Variants in COX16 observed in about 807,000 individuals in gnomAD.
COX16 encodes cytochrome c oxidase assembly factor COX16.
In COX16, 12 loss-of-function variants were observed where a neutral mutation model predicts 15.4. The ratio of observed to expected loss-of-function variants is 0.78; its 90% CI spans 0.50 to 1.26. The LOEUF (loss-of-function observed/expected upper bound fraction) is 1.26, where lower values mean the gene tolerates loss of function less well. Ranked by LOEUF, COX16 falls within the 50% of genes most tolerant of loss-of-function variation. The probability of loss-of-function intolerance (pLI) is 0.00; values close to 1 mark genes in which losing one functional copy is unlikely to be tolerated. For missense variants in COX16, 124 were observed against 127.6 expected, an observed-to-expected ratio of 0.97 and a Z score of 0.14; for synonymous variants, 46 against 41.1, an observed-to-expected ratio of 1.12 and a Z score of -0.46.
At position 70,325,782 on chromosome 14, in the gene COX16, C is replaced by T. The variant is rs978287270; in HGVS notation, c.*551G>A. ...AATTTCCTTGACATGTTAATGGTAT[C>T]ATTGTAATTATCATGTGATGCTTTG... On this transcript the variant is annotated 3_prime_UTR_variant, in exon 4 of 4. Transcript: ENST00000389912. 4.6e-5 allele frequency: 7 copies of T among 152,138 alleles called. No individual in the cohort carries two copies. Among genetic ancestry groups the T allele is most frequent in the African/African-American group, 1.7e-4 (7 of 41,424 alleles). 9.4% of individuals were successfully genotyped at this position (152,138 alleles called of 1,614,324 possible).
At chr14:70,346,994 G>C (rs1886803033) in intron 1 of COX16, among the ~76,000 whole-genome samples, 1 of 151,968 alleles carries the variant, frequency 6.6e-6, no homozygotes, top group Admixed American at 6.6e-5. Flanking sequence ...CTTAAAACAT[G>C]CAACTTTACC....
intron 2 of COX16, among the ~76,000 whole-genome samples, chr14:70,335,148 A>C (rs1182167313): frequency 6.6e-6 from 1 of 152,218 alleles, no homozygotes; most frequent in African/African-American, 2.4e-5. Flanking sequence ...CAGCAAGAGA[A>C]TATAACAACA....
Position 70,357,158 on chromosome 14 carries a change from C to CCAAAAA in COX16, c.69+2360_69+2361insTTTTTG, listed in dbSNP as rs1230639115. Among the ~76,000 whole-genome samples the CCAAAAA allele has an allele frequency of 1.9e-4, 15 of 78,704 alleles. 2 individuals are homozygous for CCAAAAA. The highest frequency in any genetic ancestry group is 7.2e-4 in the African/African-American group (15 of 20,710). The allele number at this position is 78,704 out of a possible 152,430, so 51.6% of individuals were successfully genotyped here. A position where few individuals can be genotyped will look rare whatever the true frequency, so the allele number is the denominator to read the frequency against. Reference sequence around the variant, plus strand: ...CAGACTTCTCCTAGGAAGCGTTTGTCAAAAAAAAAAAAAAAAAAAAAAAAA... The same window carrying CCAAAAA: ...CAGACTTCTCCTAGGAAGCGTTTGTCCAAAAAAAAAAAAAAAAAAAAAAAAAAAAAA... On this transcript the variant is annotated intron_variant, in intron 1 of 3. Transcript: ENST00000389912.
In COX16 at chr14:70,331,463, T is replaced by A. The variant is rs193164124; in HGVS notation, c.142-2227A>T. Among the ~76,000 whole-genome samples the A allele has an allele frequency of 3.9e-5, 6 of 152,170 alleles. No individual in the cohort carries two copies. In the East Asian group the frequency reaches 1.2e-3, roughly 29 times the overall value. On this transcript the variant is annotated intron_variant, in intron 2 of 3. Transcript: ENST00000389912. ...GAAAAAAATGAGCAAGAGGCCTCAA[T>A]AGACACATCACAAAAATGAATATAC...
chr14:70,329,361 C>A, intron 2 of COX16, 125 bp from the exon 3 acceptor site: 7 of 693,734 alleles, frequency 1.0e-5, no homozygotes, highest in African/African-American at 1.8e-5. Context: ...GCAAAATCTC[C>A]ACCATCTACT....
At chr14:70,330,766 G>A (rs1469432570) in intron 2 of COX16, among the ~76,000 whole-genome samples, 2 of 152,136 alleles carry the variant, frequency 1.3e-5, no homozygotes, top group Admixed American at 1.3e-4. Context: ...GCACAGAAGA[G>A]CAGTCACGAA....
Position 70,359,598 on chromosome 14 carries a change from T to G in COX16, c.-11A>C, listed in dbSNP as rs368352163. 18 of 1,613,550 alleles carry G rather than the reference T, an allele frequency of 1.1e-5. No individual in the cohort carries two copies. The highest frequency in any genetic ancestry group is 1.4e-5 in the Non-Finnish European group (17 of 1,179,672). On this transcript the variant is annotated 5_prime_UTR_variant, in exon 1 of 4. Transcript: ENST00000389912. ...CGCGGGTGCAAACATGAGTGAACTC[T>G]TCCATCGGCTCAGAACTCCAAGCGG...
chr14:70,340,275 T>G (rs1187254288), intron 2 of COX16, among the ~76,000 whole-genome samples: 1 of 152,166 alleles, frequency 6.6e-6, no homozygotes, highest in Non-Finnish European at 1.5e-5. Context: ...AAGGTCATGT[T>G]TGCTTCCCCT....
intron 2 of COX16, among the ~76,000 whole-genome samples, chr14:70,340,501 C>A (rs776877818): frequency 2.8e-4 from 43 of 152,328 alleles, no homozygotes; most frequent in Non-Finnish European, 5.7e-4. Context: ...GTATTACATA[C>A]ATTAGTCATC....
At chr14:70,329,365 A>G (rs1024269159) in intron 2 of COX16, 129 bp from the exon 3 acceptor site, 13 of 677,616 alleles carry the variant, frequency 1.9e-5, no homozygotes, top group Admixed American at 3.5e-5. Flanking sequence ...AATCTCCACC[A>G]TCTACTCTGA....
intron 1 of COX16, among the ~76,000 whole-genome samples, chr14:70,354,862 G>GTGTGTGTGT (rs1555345903): frequency 2.8e-5 from 4 of 141,644 alleles, no homozygotes; most frequent in Admixed American, 7.1e-5. Flanking sequence ...GTGTGTGTGT[G>GTGTGTGTGT]GTGTTTGAAT....
intron 3 of COX16, among the ~76,000 whole-genome samples, chr14:70,326,712 A>G (rs913772606): frequency 3.9e-5 from 6 of 152,204 alleles, no homozygotes; most frequent in South Asian, 2.1e-4. Context: ...TACATGCCTT[A>G]TTTTTGAGAG....
rs547136541 is a variant in COX16, at chr14:70,336,072, C to G, written c.141+6586G>C. Among the ~76,000 whole-genome samples the G allele has an allele frequency of 6.6e-5, 10 of 152,114 alleles. 1 individual carries two copies. In the South Asian group the frequency reaches 2.1e-3, roughly 32 times the overall value. On this transcript the variant is annotated intron_variant, in intron 2 of 3. Transcript: ENST00000389912. ...GAGATCAAGACCATCTTGGCTAACA[C>G]AGTGAAACCCTGTCTCTACTAAAAA...
At chr14:70,336,407 T>C (rs1594912815) in intron 2 of COX16, among the ~76,000 whole-genome samples, 1 of 152,350 alleles carries the variant, frequency 6.6e-6, no homozygotes, top group East Asian at 1.9e-4. Context: ...TTGACACAGA[T>C]GGTGGTTACT....
chr14:70,358,402 CAG>C (rs1264108933), intron 1 of COX16, among the ~76,000 whole-genome samples: 2 of 108,186 alleles, frequency 1.8e-5, no homozygotes, highest in Non-Finnish European at 3.5e-5. Context: ...TTTGGAGAGA[CAG>C]AGGTCTTGCT....
intron 2 of COX16, among the ~76,000 whole-genome samples, chr14:70,333,602 C>T (rs1864372138): frequency 6.6e-6 from 1 of 152,022 alleles, no homozygotes; most frequent in Admixed American, 6.5e-5. Context: ...AACATAAAAA[C>T]AGCAAATATT....
intron 1 of COX16, among the ~76,000 whole-genome samples, chr14:70,354,847 T>C (rs1272366565): frequency 6.6e-6 from 1 of 151,486 alleles, no homozygotes; most frequent in Non-Finnish European, 1.5e-5. Flanking sequence ...TGTGCGTGTG[T>C]GTGTGTGTGT....
At chr14:70,355,504 C>A (rs144585701) in intron 1 of COX16, among the ~76,000 whole-genome samples, 92 of 152,236 alleles carry the variant, frequency 6.0e-4, no homozygotes, top group African/African-American at 2.1e-3. Flanking sequence ...TGATCAAGCA[C>A]GAATCCCAGT....
intron 2 of COX16, among the ~76,000 whole-genome samples, chr14:70,333,281 G>C (rs1264175974): frequency 6.6e-6 from 1 of 152,126 alleles, no homozygotes; most frequent in Non-Finnish European, 1.5e-5. Flanking sequence ...TAATCTTTCA[G>C]ACAAAAAACT....
Sources: allele counts gnomAD v4.1 joint callset (sites outside exome capture counted in the v4.1 genomes callset), GRCh38; gene constraint gnomAD v4.1.1; transcripts MANE v1.5; gene names NCBI Gene and HGNC (gene_info 2026-07-23, HGNC 2026-07-21).